LIG3: variants seen among roughly 807,000 people sequenced by gnomAD.
The protein encoded by LIG3 is DNA ligase 3, also known as ligase II, DNA, ATP-dependent.
Under a neutral mutation model 110.9 loss-of-function variants are expected in LIG3, and 58 were observed. The ratio of observed to expected loss-of-function variants is 0.52; its 90% CI spans 0.42 to 0.65. The LOEUF is 0.65. LIG3 is among the 30% of genes least tolerant of loss of function. The pLI is 0.00. For synonymous variants in LIG3, 422 were observed against 472.8 expected, an observed-to-expected ratio of 0.89 and a Z score of 1.39; for missense variants, 1,094 against 1,273.8, an observed-to-expected ratio of 0.86 and a Z score of 2.15.
chr17:34,998,016 T>G (rs1438430155), intron 12 of LIG3, 191 bp downstream of exon 12: 1 of 648,152 alleles, frequency 1.5e-6, no homozygotes, highest in Middle Eastern at 2.6e-4. Flanking sequence ...AAATCCTTCC[T>G]AGGTAAGCCT....
chr17:34,996,772 C>G (rs1207154045), intron 11 of LIG3, 119 bp downstream of exon 11: 4 of 829,992 alleles, frequency 4.8e-6, no homozygotes, highest in Admixed American at 2.0e-5. Flanking sequence ...CTGGCACATA[C>G]GTTTGTGCTC....
Position 35,005,710 on chromosome 17 carries a change from G to GA in LIG3, c.*1206dup, listed in dbSNP as rs1298921784. 1.8e-6 allele frequency: 1 copy of GA among 560,614 alleles called. No individual in the cohort carries two copies. Among genetic ancestry groups the GA allele is most frequent in the East Asian group, 4.7e-5 (1 of 21,312 alleles). 34.7% of individuals were successfully genotyped at this position (560,614 alleles called of 1,614,324 possible). On this transcript the variant is annotated 3_prime_UTR_variant, in exon 20 of 20. Coordinates refer to ENST00000378526, the MANE Select transcript of LIG3 (RefSeq NM_013975.4). ...TTTTTCATGGCTGGAGTATTCATGT[G>GA]AATGAAACTGCCGGGCTATCTGATG...
In LIG3 at chr17:34,999,509, G is replaced by A. The variant is rs2090817079; in HGVS notation, c.2256+60G>A. The A allele has an allele frequency of 1.7e-5, 27 of 1,577,470 alleles. 1 individual carries two copies. The South Asian group carries it at 3.1e-4, about 18-fold the overall frequency. ...ACTGGCCGCCATCACTGAGACAGAG[G>A]CTGTGCTTTGGGGACTACAGGTATT... On this transcript the variant is annotated intron_variant, in intron 15 of 19. Transcript: ENST00000378526.
intron 19 of LIG3, chr17:35,003,427 G>T: frequency 4.8e-6 from 1 of 207,234 alleles, no homozygotes; most frequent in South Asian, 8.2e-5. Context: ...CGATTCTCCG[G>T]CTTCAGCCTC....
At chr17:34,992,144 C>A in intron 7 of LIG3, 109 bp downstream of exon 7, 1 of 925,388 alleles carries the variant, frequency 1.1e-6, no homozygotes, top group Non-Finnish European at 1.7e-6. Flanking sequence ...CCCCCTTCCA[C>A]CTTCTTACTT....
At chr17:35,002,619 G>A in intron 18 of LIG3, 49 bp from the exon 19 acceptor site, 1 of 1,584,702 alleles carries the variant, frequency 6.3e-7, no homozygotes, top group Non-Finnish European at 8.6e-7. Context: ...CCGAGTAGCT[G>A]GGACTATAGG....
intron 3 of LIG3, among the ~76,000 whole-genome samples, chr17:34,988,704 A>C (rs541252479): frequency 6.6e-6 from 1 of 152,282 alleles, no homozygotes; most frequent in South Asian, 2.1e-4. Flanking sequence ...GACAATAAGA[A>C]AAGAAAAGTT....
chr17:34,984,114 G>T (rs2142233251), intron 2 of LIG3, among the ~76,000 whole-genome samples: 1 of 152,266 alleles, frequency 6.6e-6, no homozygotes, highest in South Asian at 2.1e-4. Context: ...ATTTGTCCTT[G>T]ATGTAATACT....
chr17:34,980,948 G>A (rs1358589643), intron 1 of LIG3: 2 of 152,296 alleles, frequency 1.3e-5, no homozygotes, highest in African/African-American at 2.4e-5. Context: ...GCTCGGGTGG[G>A]ACTCAGGGAG....
At position 35,002,797 on chromosome 17, in the gene LIG3, T is replaced by C; in HGVS notation, c.2796+8T>C. 1.3e-6 allele frequency: 2 copies of C among 1,590,390 alleles called. No individual in the cohort carries two copies. The highest frequency in any genetic ancestry group is 1.7e-6 in the Non-Finnish European group (2 of 1,165,904). ...ACGCTGTGCCAAACAAAGGTGAGGG[T>C]AAAAACAGCAACACACCACGTGGGC... On this transcript the variant is annotated splice_region_variant and intron_variant, in intron 19 of 19. Transcript: ENST00000378526.
At chr17:35,002,521 C>T (rs764176994) in intron 18 of LIG3, 147 bp from the exon 19 acceptor site, 83 of 779,832 alleles carry the variant, frequency 1.1e-4, no homozygotes, top group Non-Finnish European at 1.6e-4. Context: ...TTTTTAGAGA[C>T]AGGGTCTCAC....
At chr17:34,991,194 T>G in intron 5 of LIG3, 80 bp downstream of exon 5, 1 of 1,411,012 alleles carries the variant, frequency 7.1e-7, no homozygotes, top group African/African-American at 1.4e-5. Context: ...TCTTTTTTTT[T>G]TTCTGGTTGG....
Position 34,985,975 on chromosome 17 carries a change from TG to T in LIG3, c.548-10del, listed in dbSNP as rs1157907051. On this transcript the variant is annotated splice_polypyrimidine_tract_variant and intron_variant, in intron 2 of 19. Coordinates refer to ENST00000378526, the MANE Select transcript of LIG3 (RefSeq NM_013975.4). ...CACTGAAGGATATTTTATACTCTTT[TG>T]GGATCCTACAGATCTGTCTTCTAAG... 2.5e-6 allele frequency: 4 copies of T among 1,612,176 alleles called. No homozygotes were observed. Among genetic ancestry groups the T allele is most frequent in the Non-Finnish European group, 3.4e-6 (4 of 1,178,962 alleles).
At chr17:34,998,159 CCACT>C (rs3136008) in intron 12 of LIG3, 56 bp from the exon 13 acceptor site, 7 of 1,288,660 alleles carry the variant, frequency 5.4e-6, no homozygotes, top group Admixed American at 1.9e-5. Flanking sequence ...GGAACAACCC[CCACT>C]CACTCACCAC....
At position 35,005,075 on chromosome 17, in the gene LIG3, TCTC is replaced by T. The variant is rs1365583498; in HGVS notation, c.*572_*574del. On this transcript the variant is annotated 3_prime_UTR_variant, in exon 20 of 20. Transcript: ENST00000378526. ...AATTTTTTTACTTTCTTCTCTGTGT[TCTC>T]CTATTACATGGTGAGGATCCCCAGT... 1.2e-5 allele frequency: 4 copies of T among 321,210 alleles called. No individual in the cohort carries two copies. Among genetic ancestry groups the T allele is most frequent in the South Asian group, 5.5e-5 (2 of 36,692 alleles). 19.9% of individuals were successfully genotyped at this position (321,210 alleles called of 1,614,324 possible).
In LIG3 at chr17:35,006,792, T is replaced by C. The variant is rs2090898035; in HGVS notation, c.*2286T>C. 1 of 151,136 alleles carries C rather than the reference T, an allele frequency of 6.6e-6. No homozygotes were observed. Among genetic ancestry groups the C allele is most frequent in the South Asian group, 2.1e-4 (1 of 4,774 alleles). 9.4% of individuals were successfully genotyped at this position (151,136 alleles called of 1,614,324 possible). ...CTGGACCTATAAGATCAAGGACCAC[T>C]GCGCCCCCTGGCCACCCCACCGCCC... is the stretch of plus-strand genomic sequence containing the variant. On this transcript the variant is annotated 3_prime_UTR_variant, in exon 20 of 20. Coordinates refer to ENST00000378526, the MANE Select transcript of LIG3 (RefSeq NM_013975.4).
intron 16 of LIG3, 64 bp downstream of exon 16, chr17:34,999,920 A>AC: frequency 3.8e-6 from 5 of 1,310,548 alleles, no homozygotes; most frequent in Non-Finnish European, 5.5e-6. Context: ...CTCTAGTGCC[A>AC]TAGAGAATCC....
At chr17:34,987,032 G>C (rs978174834) in intron 3 of LIG3, among the ~76,000 whole-genome samples, 2 of 152,204 alleles carry the variant, frequency 1.3e-5, no homozygotes, top group Admixed American at 6.5e-5. Flanking sequence ...CTAAAGGGGA[G>C]GACTGTGGCT....
At chr17:34,999,977 C>A in intron 16 of LIG3, 121 bp downstream of exon 16, 2 of 728,850 alleles carry the variant, frequency 2.7e-6, no homozygotes, top group South Asian at 3.5e-5. Context: ...TCTGGATTTC[C>A]AGCTGAGTGA....
Sources: allele counts gnomAD v4.1 joint callset (sites outside exome capture counted in the v4.1 genomes callset), GRCh38; gene constraint gnomAD v4.1.1; transcripts MANE v1.5; gene names NCBI Gene and HGNC (gene_info 2026-07-23, HGNC 2026-07-21).